Variants in ATP6V1F observed in about 807,000 individuals in gnomAD.
ATP6V1F encodes the protein ATPase H+ transporting V1 subunit F.
In ATP6V1F, 4 loss-of-function variants were observed where a neutral mutation model predicts 6.6. That is an observed-to-expected ratio of 0.60 (90% confidence interval 0.30 to 1.38). The LOEUF (loss-of-function observed/expected upper bound fraction) is 1.38, where lower values mean the gene tolerates loss of function less well. ATP6V1F is among the 40% of genes most tolerant of loss of function. ATP6V1F has a pLI of 0.08. For synonymous variants in ATP6V1F, 68 were observed against 66.9 expected (o/e 1.02, Z -0.08); for missense variants, 136 against 165.5 (o/e 0.82, Z 0.98).
At position 128,865,299 on chromosome 7, in the gene ATP6V1F, C is replaced by G; in HGVS notation, c.159-78C>G. ...TCCCCTCCACAGCCCAGCCCAACAA[C>G]TCGGAGAGGGCTGCCTGGGTAGGAG... is the stretch of plus-strand genomic sequence containing the variant. On this transcript the variant is annotated intron_variant, in intron 1 of 1. Coordinates refer to ENST00000249289, the MANE Select transcript of ATP6V1F (RefSeq NM_004231.4). This position sits in a 1 kb window ranked among gnomAD's most constrained non-coding sequence, Gnocchi z 4.4. 1 of 1,593,956 alleles carries G rather than the reference C, an allele frequency of 6.3e-7. No homozygotes were observed. The highest frequency in any genetic ancestry group is 1.7e-5 in the Admixed American group (1 of 58,788).
rs767560631 is a variant in ATP6V1F at position 128,862,952 on chromosome 7, G to C, written c.48G>C (p.Thr16=). Residue 16 remains threonine, a synonymous_variant, in exon 1 of 2, where the codon ACG becomes ACC. Transcript: ENST00000249289. ...TCGCAGTGATCGGAGACGAGGACAC[G>C]GTGACTGGTTTCCTGCTGGGCGGCA... is the stretch of plus-strand genomic sequence containing the variant. ...KLIAVIGDED[T]VTGFLLGGIG... 7 of 1,613,172 alleles carry C rather than the reference G, an allele frequency of 4.3e-6. No individual in the cohort carries two copies. The highest frequency in any genetic ancestry group is 2.2e-5 in the East Asian group (1 of 44,818).
rs1375427260 is a variant in ATP6V1F, at chr7:128,862,982, G to A, written c.78G>A (p.Gly26=). The change falls in exon 1 of 2, where the codon GGG becomes GGA. Residue 26 remains glycine (G), a synonymous_variant. Coordinates refer to ENST00000249289, the MANE Select transcript of ATP6V1F (RefSeq NM_004231.4). ...CTGGTTTCCTGCTGGGCGGCATAGGGGAGCTTAACAAGAACCGCCATCCCA... is the reference window on the plus strand; with the variant it reads ...CTGGTTTCCTGCTGGGCGGCATAGGAGAGCTTAACAAGAACCGCCATCCCA... ...TVTGFLLGGI[G]ELNKNRHPNF... 2 of 1,613,528 alleles carry A rather than the reference G, an allele frequency of 1.2e-6. No individual in the cohort carries two copies. Among genetic ancestry groups the A allele is most frequent in the Non-Finnish European group, 1.7e-6 (2 of 1,179,784 alleles).
rs543900656 is a variant in ATP6V1F at position 128,865,515 on chromosome 7, C to T, written c.297C>T (p.Asp99=). The change falls in exon 2 of 2, where the codon GAC becomes GAT. Residue 99 remains aspartate (D), a synonymous_variant. Transcript: ENST00000249289. The surrounding 1 kb of genome is among the most constrained non-coding windows in gnomAD (Gnocchi z 4.4). ...TCCCCTCCAAGGAGCACCCATATGA[C>T]GCCGCCAAGGACTCCATCCTGCGCA... ...LEIPSKEHPY[D]AAKDSILRRA... 14 of 1,614,124 alleles carry T rather than the reference C, an allele frequency of 8.7e-6. No homozygotes were observed. The East Asian group carries it at 1.6e-4, about 18-fold the overall frequency.
Position 128,865,775 on chromosome 7 carries a change from C to T in ATP6V1F, c.*197C>T, listed in dbSNP as rs1197851382. On this transcript the variant is annotated 3_prime_UTR_variant, in exon 2 of 2. Coordinates refer to ENST00000249289, the MANE Select transcript of ATP6V1F (RefSeq NM_004231.4). This position sits in a 1 kb window ranked among gnomAD's most constrained non-coding sequence, Gnocchi z 4.4. ...CAGGAAGCCTGACCATCTCCCTCCA[C>T]TACCTCTTCCCTGTGCTGTTACACA... 3.3e-6 allele frequency: 2 copies of T among 603,356 alleles called. No individual in the cohort carries two copies. The highest frequency in any genetic ancestry group is 5.9e-6 in the Non-Finnish European group (2 of 341,048). 37.4% of individuals were successfully genotyped at this position (603,356 alleles called of 1,614,324 possible).
Position 128,862,892 on chromosome 7 carries a change from C to G in ATP6V1F, c.-13C>G, listed in dbSNP as rs773505920. On this transcript the variant is annotated 5_prime_UTR_variant, in exon 1 of 2. Coordinates refer to ENST00000249289, the MANE Select transcript of ATP6V1F (RefSeq NM_004231.4). ...TTCTGGTGCTCTAGGGTGAGCTCTG[C>G]CCGGCTGCAGGGATGGCGGGGAGGG... The G allele has an allele frequency of 1.3e-6, 2 of 1,580,874 alleles. No individual in the cohort carries two copies. Among genetic ancestry groups the G allele is most frequent in the Non-Finnish European group, 1.7e-6 (2 of 1,164,552 alleles).
chr7:128,865,497 C>G lies in ATP6V1F; in HGVS notation c.279C>G (p.Ser93=), dbSNP rs894010297. Residue 93 remains serine (S), a synonymous_variant, in exon 2 of 2, where the codon TCC becomes TCG. Coordinates refer to ENST00000249289, the MANE Select transcript of ATP6V1F (RefSeq NM_004231.4). The surrounding 1 kb of genome is among the most constrained non-coding windows in gnomAD (Gnocchi z 4.4). ...TCCCCGCTGTCCTGGAGATCCCCTC[C>G]AAGGAGCACCCATATGACGCCGCCA... ...QSIPAVLEIP[S]KEHPYDAAKD... 1 of 1,614,150 alleles carries G rather than the reference C, an allele frequency of 6.2e-7. No homozygotes were observed. The highest frequency in any genetic ancestry group is 1.3e-5 in the African/African-American group (1 of 75,068).
At chr7:128,864,420 T>A (rs2128941815) in intron 1 of ATP6V1F, among the ~76,000 whole-genome samples, 1 of 152,296 alleles carries the variant, frequency 6.6e-6, no homozygotes, top group South Asian at 2.1e-4. Context: ...AGGTTCTTTT[T>A]GTGCAGAAAG....
Position 128,863,033 on chromosome 7 carries a change from A to C in ATP6V1F, c.129A>C (p.Thr43=), listed in dbSNP as rs759497420. 9.5e-5 allele frequency: 154 copies of C among 1,613,014 alleles called. 1 individual carries two copies. The highest frequency in any genetic ancestry group is 1.3e-4 in the Non-Finnish European group (149 of 1,179,566). Residue 43 remains threonine, a synonymous_variant, in exon 1 of 2, where the codon ACA becomes ACC. Coordinates refer to ENST00000249289, the MANE Select transcript of ATP6V1F (RefSeq NM_004231.4). The part of the protein sequence containing the change: ...HPNFLVVEKD[T]TINEIEDTFR... ...ATTTCCTGGTGGTGGAGAAGGATAC[A>C]ACCATCAATGAGATCGAAGACACTT...
rs1299705845 is a variant in ATP6V1F, at chr7:128,865,715, G to A, written c.*137G>A. Reference sequence around the variant, plus strand: ...ACTCCATTAAGAGGCTAGGTGAGGCGCTTCTAGGTTGCTGGGGCTCTGCTG... The same window carrying A: ...ACTCCATTAAGAGGCTAGGTGAGGCACTTCTAGGTTGCTGGGGCTCTGCTG... On this transcript the variant is annotated 3_prime_UTR_variant, in exon 2 of 2. Transcript: ENST00000249289. The surrounding 1 kb of genome is among the most constrained non-coding windows in gnomAD (Gnocchi z 4.4). 10 of 957,416 alleles carry A rather than the reference G, an allele frequency of 1.0e-5. No individual in the cohort carries two copies. Among genetic ancestry groups the A allele is most frequent in the East Asian group, 2.6e-5 (1 of 37,796 alleles). The allele number at this position is 957,416 out of a possible 1,614,324, so 59.3% of individuals were successfully genotyped here. A position where few individuals can be genotyped will look rare whatever the true frequency, so the allele number is the denominator to read the frequency against.
chr7:128,864,994 C>T, intron 1 of ATP6V1F: 2 of 843,184 alleles, frequency 2.4e-6, no homozygotes, highest in South Asian at 1.6e-5. Context: ...TGAGCCATCA[C>T]AGCTGGCCTT....
intron 1 of ATP6V1F, chr7:128,864,864 G>A: frequency 8.0e-6 from 1 of 124,958 alleles, no homozygotes; most frequent in Non-Finnish European, 1.7e-5. Flanking sequence ...TATATAGATA[G>A]AGAGAGAGAG....
rs202007585 is a variant in ATP6V1F, at chr7:128,865,609, C to T, written c.*31C>T. 3.7e-4 allele frequency: 582 copies of T among 1,584,732 alleles called. 2 individuals are homozygous for T. The East Asian group carries it at 4.3e-3, about 12-fold the overall frequency. Reference sequence around the variant, plus strand: ...TCCTCATAGCCCTCAGCCCTTCCCTCGTTTCCAGGCCTCTCCCCAGGCTTG... The same window carrying T: ...TCCTCATAGCCCTCAGCCCTTCCCTTGTTTCCAGGCCTCTCCCCAGGCTTG... On this transcript the variant is annotated 3_prime_UTR_variant, in exon 2 of 2. Coordinates refer to ENST00000249289, the MANE Select transcript of ATP6V1F (RefSeq NM_004231.4). This position sits in a 1 kb window ranked among gnomAD's most constrained non-coding sequence, Gnocchi z 4.4.
rs376648104 is a variant in ATP6V1F at position 128,862,886 on chromosome 7, G to T, written c.-19G>T. On this transcript the variant is annotated 5_prime_UTR_variant, in exon 1 of 2. Coordinates refer to ENST00000249289, the MANE Select transcript of ATP6V1F (RefSeq NM_004231.4). ...AGTGGCTTCTGGTGCTCTAGGGTGA[G>T]CTCTGCCCGGCTGCAGGGATGGCGG... 130 of 1,573,106 alleles carry T rather than the reference G, an allele frequency of 8.3e-5. No individual in the cohort carries two copies. In the African/African-American group the frequency reaches 1.2e-3, roughly 14 times the overall value.
chr7:128,863,756 CT>C (rs1175852668), intron 1 of ATP6V1F, among the ~76,000 whole-genome samples: 2 of 152,186 alleles, frequency 1.3e-5, no homozygotes, highest in African/African-American at 4.8e-5. Flanking sequence ...TCCAGGGCCC[CT>C]GTACCAAGTC....
chr7:128,863,095 TCTG>T (rs1563007978), intron 1 of ATP6V1F, 33 bp downstream of exon 1: 2 of 1,593,846 alleles, frequency 1.3e-6, no homozygotes, highest in Non-Finnish European at 8.5e-7. Flanking sequence ...AACGGGCCCT[TCTG>T]CTGCTCGGTG....
In ATP6V1F at chr7:128,862,978, T is replaced by C. The variant is rs750372931; in HGVS notation, c.74T>C (p.Ile25Thr). 37 of 1,613,482 alleles carry C rather than the reference T, an allele frequency of 2.3e-5. No individual in the cohort carries two copies. In the South Asian group the frequency reaches 3.8e-4, roughly 17 times the overall value. ...DTVTGFLLGG[I>T]GELNKNRHPN... ...GTGACTGGTTTCCTGCTGGGCGGCA[T>C]AGGGGAGCTTAACAAGAACCGCCAT... Residue 25 changes from isoleucine to threonine, a missense_variant, in exon 1 of 2, where the codon ATA becomes ACA. Coordinates refer to ENST00000249289, the MANE Select transcript of ATP6V1F (RefSeq NM_004231.4).
rs1809379128 is a variant in ATP6V1F, at chr7:128,865,639, CA to C, written c.*62del. On this transcript the variant is annotated 3_prime_UTR_variant, in exon 2 of 2. Coordinates refer to ENST00000249289, the MANE Select transcript of ATP6V1F (RefSeq NM_004231.4). The surrounding 1 kb of genome is among the most constrained non-coding windows in gnomAD (Gnocchi z 4.4). ...CCAGGCCTCTCCCCAGGCTTGCCATCAGCCTTCTTTACTTTTTGAGCCTCTG... is the reference window on the plus strand; with the variant it reads ...CCAGGCCTCTCCCCAGGCTTGCCATCGCCTTCTTTACTTTTTGAGCCTCTG... 1 of 1,511,238 alleles carries C rather than the reference CA, an allele frequency of 6.6e-7. No individual in the cohort carries two copies. Among genetic ancestry groups the C allele is most frequent in the African/African-American group, 1.4e-5 (1 of 71,820 alleles). The allele number at this position is 1,511,238 out of a possible 1,614,324, so 93.6% of individuals were successfully genotyped here.
chr7:128,864,862 T>TAGAGAGAG (rs71162535), intron 1 of ATP6V1F: 31 of 418,260 alleles, frequency 7.4e-5, no homozygotes, highest in African/African-American at 6.0e-4. Flanking sequence ...TATATATAGA[T>TAGAGAGAG]AGAGAGAGAG....
In ATP6V1F at chr7:128,863,038, T is replaced by A; in HGVS notation, c.134T>A (p.Ile45Asn). ...CTGGTGGTGGAGAAGGATACAACCA[T>A]CAATGAGATCGAAGACACTTTCCGG... ...NFLVVEKDTT[I>N]NEIEDTFRQF... The change falls in exon 1 of 2, where the codon ATC becomes AAC. Residue 45 changes from isoleucine to asparagine, a missense_variant. Ile to Asn is a moderately radical substitution (Grantham distance 149, BLOSUM62 -3). Transcript: ENST00000249289. 1.9e-6 allele frequency: 3 copies of A among 1,612,104 alleles called. No individual in the cohort carries two copies. In the South Asian group the frequency reaches 3.3e-5, roughly 18 times the overall value.
Sources: gnomAD v4.1 joint callset for allele counts (sites outside exome capture counted in the v4.1 genomes callset) on GRCh38, gnomAD v4.1.1 for gene constraint, Gnocchi (gnomAD v3.1) non-coding constraint, MANE v1.5 for transcripts, NCBI Gene and HGNC (gene_info 2026-07-23, HGNC 2026-07-21) for gene names.